Variants in LRRC4C observed in about 807,000 individuals in gnomAD.
LRRC4C encodes leucine-rich repeat-containing protein 4C.
LRRC4C carries 5 observed loss-of-function variants against 33.6 expected under a neutral mutation model. The observed-to-expected ratio is 0.15, with a 90% CI of 0.08 to 0.31. The LOEUF (loss-of-function observed/expected upper bound fraction) is 0.31. LRRC4C is among the 10% of genes least tolerant of loss of function. The probability of loss-of-function intolerance (pLI) is 1.00; values close to 1 mark genes in which losing one functional copy is unlikely to be tolerated. For missense variants in LRRC4C, 560 were observed against 796.7 expected (o/e 0.70, Z 3.58); for synonymous variants, 329 against 302.0 (o/e 1.09, Z -0.93).
At chr11:40,281,290 C>T (rs905998749) in intron 4 of LRRC4C, among the ~76,000 whole-genome samples, 20 of 152,112 alleles carry the variant, frequency 1.3e-4, no homozygotes, top group Admixed American at 6.5e-4. Context: ...CTCTAGATCC[C>T]TCCCCATAAT....
chr11:40,678,322 T>C (rs1485242545), intron 2 of LRRC4C, among the ~76,000 whole-genome samples: 1 of 152,088 alleles, frequency 6.6e-6, no homozygotes, highest in African/African-American at 2.4e-5. Flanking sequence ...TAGTCCCCAG[T>C]GTCCATTTAA....
chr11:41,037,508 A>G (rs1857154742), intron 1 of LRRC4C, among the ~76,000 whole-genome samples: 1 of 150,042 alleles, frequency 6.7e-6, no homozygotes, highest in Non-Finnish European at 1.5e-5. Context: ...CTGACCCTAG[A>G]TTTTCTTTAT....
At chr11:40,453,030 G>A (rs990998359) in intron 3 of LRRC4C, among the ~76,000 whole-genome samples, 8 of 148,306 alleles carry the variant, frequency 5.4e-5, no homozygotes, top group African/African-American at 7.5e-5. Context: ...GGGGACTGTT[G>A]TGGGGTTGGG....
chr11:40,638,818 C>A (rs1366077065), intron 3 of LRRC4C, among the ~76,000 whole-genome samples: 2 of 141,690 alleles, frequency 1.4e-5, no homozygotes. Context: ...TTCTTGACTT[C>A]AAAAGTAGTT....
intron 1 of LRRC4C, among the ~76,000 whole-genome samples, chr11:41,101,567 A>T (rs1373997771): frequency 6.6e-6 from 1 of 152,200 alleles, no homozygotes; most frequent in Non-Finnish European, 1.5e-5. Flanking sequence ...AATTTGTTCA[A>T]CCATTGTGGT....
chr11:40,260,222 C>T (rs1216183828), intron 4 of LRRC4C, among the ~76,000 whole-genome samples: 1 of 122,014 alleles, frequency 8.2e-6, no homozygotes. Flanking sequence ...TACTATGCAG[C>T]CATAAAAAAT....
intron 3 of LRRC4C, among the ~76,000 whole-genome samples, chr11:40,377,753 G>GAAC (rs1299214025): frequency 6.6e-6 from 1 of 152,008 alleles, no homozygotes; most frequent in African/African-American, 2.4e-5. Flanking sequence ...GAAAACAAAA[G>GAAC]AACAACAAAT....
At chr11:40,801,860 A>C (rs1951056792) in intron 2 of LRRC4C, among the ~76,000 whole-genome samples, 1 of 152,220 alleles carries the variant, frequency 6.6e-6, no homozygotes, top group Non-Finnish European at 1.5e-5. Context: ...AATCACATAC[A>C]TAAATATGAT....
At chr11:40,527,743 C>T (rs551794788) in intron 3 of LRRC4C, among the ~76,000 whole-genome samples, 8 of 150,922 alleles carry the variant, frequency 5.3e-5, no homozygotes, top group African/African-American at 2.0e-4. Flanking sequence ...AGAGAAGTTA[C>T]AGTTAGAAGA....
At chr11:41,181,497 T>A (rs1452466025) in intron 1 of LRRC4C, among the ~76,000 whole-genome samples, 1 of 152,128 alleles carries the variant, frequency 6.6e-6, no homozygotes, top group Non-Finnish European at 1.5e-5. Context: ...TTATATAGGA[T>A]CCCCAAGCTC....
chr11:41,383,378 T>A (rs1399125437), intron 1 of LRRC4C, among the ~76,000 whole-genome samples: 1 of 152,110 alleles, frequency 6.6e-6, no homozygotes, highest in Non-Finnish European at 1.5e-5. Flanking sequence ...GTGGAAGCGG[T>A]ACTATTTTGG....
At chr11:40,200,272 G>A (rs947393485) in intron 5 of LRRC4C, among the ~76,000 whole-genome samples, 16 of 149,572 alleles carry the variant, frequency 1.1e-4, no homozygotes, top group East Asian at 2.0e-4. Context: ...GCTGAGGCAG[G>A]AGAATTGCTT....
chr11:40,491,158 A>G (rs889606420), intron 3 of LRRC4C, among the ~76,000 whole-genome samples: 2 of 151,990 alleles, frequency 1.3e-5, no homozygotes, highest in African/African-American at 2.4e-5. Context: ...GATGGCAGAC[A>G]CCTGTAACCC....
At chr11:40,838,688 A>G (rs1249181963) in intron 2 of LRRC4C, among the ~76,000 whole-genome samples, 1 of 151,942 alleles carries the variant, frequency 6.6e-6, no homozygotes, top group African/African-American at 2.4e-5. Context: ...ACTGACCCAA[A>G]CACCCACACA....
At chr11:40,226,659 C>T (rs538645964) in intron 5 of LRRC4C, among the ~76,000 whole-genome samples, 3 of 152,114 alleles carry the variant, frequency 2.0e-5, no homozygotes, top group Non-Finnish European at 4.4e-5. Context: ...AGCACTGGGT[C>T]TAAGAAATCT....
intron 1 of LRRC4C, among the ~76,000 whole-genome samples, chr11:41,026,795 CA>C (rs34051734): frequency 0.72 from 106,428 of 148,108 alleles, 38,169 homozygotes; most frequent in South Asian, 0.78. Context: ...CATTTTTTAC[CA>C]AAAAAAAAAA....
intron 1 of LRRC4C, among the ~76,000 whole-genome samples, chr11:41,230,868 C>T (rs565251160): frequency 1.5e-5 from 2 of 131,558 alleles, no homozygotes; most frequent in East Asian, 4.9e-4. Flanking sequence ...TGACAAAGGG[C>T]TAATATCCAG....
At chr11:40,796,341 G>T (rs754055795) in intron 2 of LRRC4C, among the ~76,000 whole-genome samples, 15 of 152,082 alleles carry the variant, frequency 9.9e-5, no homozygotes, top group Non-Finnish European at 2.2e-4. Context: ...CGTGGTGCAG[G>T]GTAAACTCTG....
chr11:41,126,885 A>G (rs1942769828), intron 1 of LRRC4C, among the ~76,000 whole-genome samples: 1 of 152,092 alleles, frequency 6.6e-6, no homozygotes, highest in Admixed American at 6.6e-5. Flanking sequence ...TGAGAAAGTT[A>G]AGGCGACACC....
Sources: allele counts gnomAD v4.1 joint callset (sites outside exome capture counted in the v4.1 genomes callset), GRCh38; gene constraint gnomAD v4.1.1; transcripts MANE v1.5; gene names NCBI Gene and HGNC (gene_info 2026-07-23, HGNC 2026-07-21).